The following DDB1 variants were observed in gnomAD, a reference collection of about 807,000 sequenced individuals.
DDB1 encodes DNA damage-binding protein 1.
DDB1 carries 18 observed loss-of-function variants against 133.1 expected under a neutral mutation model. That is an observed-to-expected ratio of 0.14 (90% CI 0.09 to 0.20). The LOEUF is 0.20. Ranked by LOEUF, DDB1 falls within the 10% of genes least tolerant of loss-of-function variation. The probability of loss-of-function intolerance (pLI) is 1.00; values close to 1 mark genes in which losing one functional copy is unlikely to be tolerated. For missense variants in DDB1, 828 were observed against 1,459.2 expected (o/e 0.57, Z 7.05); for synonymous variants, 580 against 550.5 (o/e 1.05, Z -0.75).
chr11:61,313,359 G>C (rs983623198), intron 16 of DDB1, 140 bp downstream of exon 16: 2 of 776,416 alleles, frequency 2.6e-6, no homozygotes, highest in Middle Eastern at 6.0e-4. Context: ...TGGGTAGCCA[G>C]TTTTGAGAAC....
At position 61,331,616 on chromosome 11, in the gene DDB1, G is replaced by T; in HGVS notation, c.137C>A (p.Ala46Asp). 2 of 1,614,140 alleles carry T rather than the reference G, an allele frequency of 1.2e-6. No homozygotes were observed. The highest frequency in any genetic ancestry group is 1.7e-6 in the Non-Finnish European group (2 of 1,180,026). Residue 46 changes from alanine to aspartate, a missense_variant, in exon 2 of 27, where the codon GCC becomes GAC. By Grantham distance (126) the Ala-to-Asp change is moderately radical. Transcript: ENST00000301764. ...CTCTTTGACGGGCCGAAGCCCCTCG[G>T]CGGTGACCACATAGATCTCTAATCT... ...NTRLEIYVVTAEGLRPVKEVG... is the reference protein window; with the variant it reads ...NTRLEIYVVTDEGLRPVKEVG...
rs907330704 is a variant in DDB1 at position 61,327,059 on chromosome 11, G to C, written c.550-166C>G. On this transcript the variant is annotated intron_variant, in intron 4 of 26. Coordinates refer to ENST00000301764, the MANE Select transcript of DDB1 (RefSeq NM_001923.5). ...ACTGACAAGCACTAGCTGAGCCTGGGATGAATTCCTAGGTAGACTGCAGCA... is the reference window on the plus strand; with the variant it reads ...ACTGACAAGCACTAGCTGAGCCTGGCATGAATTCCTAGGTAGACTGCAGCA... 8.1e-6 allele frequency: 5 copies of C among 615,894 alleles called. No individual in the cohort carries two copies. The Admixed American group carries it at 1.2e-4, about 14-fold the overall frequency. 38.2% of individuals were successfully genotyped at this position (615,894 alleles called of 1,614,324 possible).
In DDB1 at chr11:61,302,765, A is replaced by C. The variant is rs755444946; in HGVS notation, c.2943-14T>G. 1 of 1,614,040 alleles carries C rather than the reference A, an allele frequency of 6.2e-7. No homozygotes were observed. Among genetic ancestry groups the C allele is most frequent in the South Asian group, 1.1e-5 (1 of 91,068 alleles). ...GTGGTGGCAGCGCTGAAAGGCGGTA[A>C]GAAAGTCACTTTCTGAACCTCCTGT... On this transcript the variant is annotated splice_polypyrimidine_tract_variant and intron_variant, in intron 23 of 26. Coordinates refer to ENST00000301764, the MANE Select transcript of DDB1 (RefSeq NM_001923.5).
Position 61,325,641 on chromosome 11 carries a change from T to C in DDB1, c.732A>G (p.Lys244=). 6.2e-7 allele frequency: 1 copy of C among 1,613,910 alleles called. No homozygotes were observed. Among genetic ancestry groups the C allele is most frequent in the Admixed American group, 1.7e-5 (1 of 59,994 alleles). The part of the protein sequence containing the change: ...QESITYHNGD[K]YLAIAPPIIK... Reference sequence around the variant, plus strand: ...TGATAGGAGGGGCAATAGCCAGGTATTTGTCACCATTGTGATAGGTGATTG... The same window carrying C: ...TGATAGGAGGGGCAATAGCCAGGTACTTGTCACCATTGTGATAGGTGATTG... Residue 244 remains lysine, a synonymous_variant, in exon 6 of 27, where the codon AAA becomes AAG. Transcript: ENST00000301764.
chr11:61,299,791 ACACATACACACACACACACG>A lies in DDB1; in HGVS notation c.*325_*344del. 2 of 380,466 alleles carry A rather than the reference ACACATACACACACACACACG, an allele frequency of 5.3e-6. No homozygotes were observed. Among genetic ancestry groups the A allele is most frequent in the Non-Finnish European group, 1.0e-5 (2 of 199,542 alleles). 23.6% of individuals were successfully genotyped at this position (380,466 alleles called of 1,614,324 possible). ...GAGTGTGAGATACACATACACACAC[ACACATACACACACACACACG>A]CACAGCTTCCTTTCAGCCAAAGAAC... On this transcript the variant is annotated 3_prime_UTR_variant, in exon 27 of 27. Coordinates refer to ENST00000301764, the MANE Select transcript of DDB1 (RefSeq NM_001923.5).
chr11:61,318,502 G>T (rs1856125870), intron 10 of DDB1, among the ~76,000 whole-genome samples: 1 of 152,148 alleles, frequency 6.6e-6, no homozygotes. Context: ...TGGTGTTAAT[G>T]TGCATTTCTC....
At chr11:61,325,896 C>G in intron 5 of DDB1, 188 bp from the exon 6 acceptor site, 1 of 667,040 alleles carries the variant, frequency 1.5e-6, no homozygotes, top group South Asian at 1.6e-5. Flanking sequence ...TGGCCATTAT[C>G]TAATCCTGGT....
chr11:61,299,695 C>A lies in DDB1; in HGVS notation c.*441G>T, dbSNP rs927162446. The A allele has an allele frequency of 1.1e-5, 2 of 178,088 alleles. No individual in the cohort carries two copies. Among genetic ancestry groups the A allele is most frequent in the African/African-American group, 2.4e-5 (1 of 41,948 alleles). 11.0% of individuals were successfully genotyped at this position (178,088 alleles called of 1,614,324 possible). A position where few individuals can be genotyped will look rare whatever the true frequency, so the allele number is the denominator to read the frequency against. ...GGTCTCACTTCACAGACAATGAAAC[C>A]CTCCTAACCCTCTTCCCCACTACCC... On this transcript the variant is annotated 3_prime_UTR_variant, in exon 27 of 27. Transcript: ENST00000301764.
chr11:61,329,853 A>G (rs545573541), intron 3 of DDB1, 105 bp downstream of exon 3: 20 of 1,013,946 alleles, frequency 2.0e-5, no homozygotes, highest in Admixed American at 8.5e-5. Context: ...TCTTCTCCTT[A>G]TTTCTCTGAT....
At chr11:61,326,679 C>T (rs766719572) in intron 5 of DDB1, 100 bp downstream of exon 5, 2 of 897,256 alleles carry the variant, frequency 2.2e-6, no homozygotes, top group South Asian at 1.3e-5. Flanking sequence ...TCAATAATAC[C>T]GAGCGCCAAA....
At chr11:61,330,653 GTTTT>G (rs1338581051) in intron 2 of DDB1, among the ~76,000 whole-genome samples, 1 of 151,240 alleles carries the variant, frequency 6.6e-6, no homozygotes, top group Non-Finnish European at 1.5e-5. Flanking sequence ...GATGGTAATT[GTTTT>G]TTTTGTTTGG....
intron 6 of DDB1, 30 bp from the exon 7 acceptor site, chr11:61,324,167 G>C: frequency 6.2e-7 from 1 of 1,613,254 alleles, no homozygotes; most frequent in Non-Finnish European, 8.5e-7. Context: ...AGTCATTAGA[G>C]ATTCAGCATC....
Position 61,314,449 on chromosome 11 carries a change from G to A in DDB1, c.1448C>T (p.Pro483Leu). Residue 483 changes from proline (P) to leucine (L), a missense_variant, in exon 13 of 27, where the codon CCC (proline) becomes CTC (leucine). Pro to Leu is a moderately conservative substitution (Grantham distance 98). Coordinates refer to ENST00000301764, the MANE Select transcript of DDB1 (RefSeq NM_001923.5). ...CTTCCATTCACTGACCAGAGCTTTG[G>A]GTTCTTGAGAGACCAACCTCACCGA... ...SASVRLVSQE[P>L]KALVSEWKEP... 6.2e-7 allele frequency: 1 copy of A among 1,613,780 alleles called. No homozygotes were observed. The highest frequency in any genetic ancestry group is 1.1e-5 in the South Asian group (1 of 91,028).
chr11:61,311,951 C>G, intron 17 of DDB1, 38 bp downstream of exon 17: 1 of 1,613,996 alleles, frequency 6.2e-7, no homozygotes. Flanking sequence ...GCACCCTACA[C>G]CAACCCCCAC....
chr11:61,326,398 C>A (rs1856270852), intron 5 of DDB1, among the ~76,000 whole-genome samples: 1 of 151,992 alleles, frequency 6.6e-6, no homozygotes, highest in Non-Finnish European at 1.5e-5. Context: ...TCAAGTGAAC[C>A]TCCCACCTCA....
intron 21 of DDB1, among the ~76,000 whole-genome samples, chr11:61,304,755 G>C (rs2134896035): frequency 6.6e-6 from 1 of 151,938 alleles, no homozygotes; most frequent in Admixed American, 6.6e-5. Context: ...GCGGGCACCT[G>C]TAGTCCCAGC....
chr11:61,332,866 A>C, intron 1 of DDB1, 42 bp downstream of exon 1: 1 of 1,435,848 alleles, frequency 7.0e-7, no homozygotes. Context: ...GGCTCCCCCC[A>C]ACTCCCTCAC....
intron 21 of DDB1, among the ~76,000 whole-genome samples, chr11:61,305,247 G>A (rs372412242): frequency 9.4e-4 from 143 of 152,344 alleles, no homozygotes; most frequent in African/African-American, 3.2e-3. Context: ...AGTGGCTTAC[G>A]CCTGTAATCC....
intron 4 of DDB1, 168 bp downstream of exon 4, chr11:61,329,195 A>G: frequency 1.6e-6 from 1 of 632,694 alleles, no homozygotes; most frequent in Non-Finnish European, 2.8e-6. Flanking sequence ...ACTGCACTCA[A>G]GAAGCAACGA....
Sources: gnomAD v4.1 joint callset for allele counts (sites outside exome capture counted in the v4.1 genomes callset) on GRCh38, gnomAD v4.1.1 for gene constraint, MANE v1.5 for transcripts, NCBI Gene and HGNC (gene_info 2026-07-23, HGNC 2026-07-21) for gene names.